AKAP7: variants seen among roughly 807,000 people sequenced by gnomAD.
AKAP7 encodes A kinase (PRKA) anchor protein 7.
In AKAP7, 39 loss-of-function variants were observed where a neutral mutation model predicts 39.5. The observed-to-expected ratio is 0.99, with a 90% CI of 0.76 to 1.29. AKAP7 has a LOEUF of 1.29. Among genes scored for constraint, AKAP7 ranks in the 50% most tolerant of loss-of-function variants. AKAP7 has a pLI of 0.00. For synonymous variants in AKAP7, 140 were observed against 139.1 expected, an observed-to-expected ratio of 1.01 and a Z score of -0.05; for missense variants, 414 against 407.7, an observed-to-expected ratio of 1.02 and a Z score of -0.13.
At chr6:131,142,160 G>A (rs1006145495) in intron 1 of AKAP7, among the ~76,000 whole-genome samples, 3 of 152,116 alleles carry the variant, frequency 2.0e-5, no homozygotes, top group Non-Finnish European at 4.4e-5. Flanking sequence ...AGGAATTGAA[G>A]TGGGCTGTGA....
At chr6:131,135,919 T>A in intron 1 of AKAP7, 137 bp downstream of exon 1, 1 of 1,024,450 alleles carries the variant, frequency 9.8e-7, no homozygotes, top group Non-Finnish European at 1.2e-6. Context: ...CCAAAAGGAC[T>A]CAGGGTAGCA....
intron 7 of AKAP7, among the ~76,000 whole-genome samples, chr6:131,247,688 G>A (rs1812146552): frequency 6.6e-6 from 1 of 152,022 alleles, no homozygotes. Flanking sequence ...GAGTACAGTG[G>A]TATGATCATA....
chr6:131,127,656 T>C, the AKAP7 span, among the ~76,000 whole-genome samples: 1 of 152,186 alleles, frequency 6.6e-6, no homozygotes, highest in African/African-American at 2.4e-5. Context: ...CTAGGGGAAA[T>C]GTTTTCAGTA....
upstream of AKAP7, among the ~76,000 whole-genome samples, chr6:131,134,241 G>A (rs918053878): frequency 6.6e-6 from 1 of 152,142 alleles, no homozygotes; most frequent in Admixed American, 6.5e-5. Flanking sequence ...CAAAGTGTTG[G>A]GGTTACAAGC....
chr6:131,160,319 A>G, intron 3 of AKAP7, 121 bp downstream of exon 3: 1 of 949,418 alleles, frequency 1.1e-6, no homozygotes, highest in South Asian at 1.5e-5. Context: ...TTTTAGCAGG[A>G]CTGTCCAGGG....
chr6:131,131,555 A>T (rs1006055496), upstream of AKAP7, among the ~76,000 whole-genome samples: 7 of 151,582 alleles, frequency 4.6e-5, no homozygotes, highest in South Asian at 4.2e-4. Context: ...ATGCTTATAA[A>T]AGTTTTATTC....
intron 5 of AKAP7, among the ~76,000 whole-genome samples, chr6:131,173,210 AAAAAAAG>A (rs1181262369): frequency 2.1e-4 from 32 of 151,768 alleles, no homozygotes; most frequent in African/African-American, 7.5e-4. Flanking sequence ...CAAAAAAAAA[AAAAAAAG>A]AAAAAAGAAA....
chr6:131,258,076 A>G (rs1473354109), intron 7 of AKAP7, among the ~76,000 whole-genome samples: 8 of 152,182 alleles, frequency 5.3e-5, no homozygotes, highest in Admixed American at 2.0e-4. Context: ...CTAGTGAAGA[A>G]GTGAGAGTTC....
At position 131,283,517 on chromosome 6, in the gene AKAP7, CAT is replaced by C. The variant is rs755394325; in HGVS notation, c.*1794_*1795del. The C allele has an allele frequency of 6.6e-6, 1 of 151,996 alleles. No homozygotes were observed. The highest frequency in any genetic ancestry group is 1.5e-5 in the Non-Finnish European group (1 of 67,986). The allele number at this position is 151,996 out of a possible 1,614,324, so 9.4% of individuals were successfully genotyped here. A position where few individuals can be genotyped will look rare whatever the true frequency, so the allele number is the denominator to read the frequency against. ...ATGCATTTTCATGGCTCTTAATAAA[CAT>C]ATTGTTTTCCCTTGTTGCTTTTCCT... On this transcript the variant is annotated 3_prime_UTR_variant, in exon 8 of 8. Coordinates refer to ENST00000431975, the MANE Select transcript of AKAP7 (RefSeq NM_016377.4).
At chr6:131,201,301 A>G (rs1016381846) in intron 6 of AKAP7, among the ~76,000 whole-genome samples, 5 of 152,180 alleles carry the variant, frequency 3.3e-5, no homozygotes, top group Non-Finnish European at 5.9e-5. Context: ...TTGAGTGCCT[A>G]CTATGTGCCA....
intron 6 of AKAP7, among the ~76,000 whole-genome samples, chr6:131,202,543 A>G (rs2128283799): frequency 6.8e-6 from 1 of 147,860 alleles, no homozygotes; most frequent in South Asian, 2.2e-4. Flanking sequence ...TCTCACTCCT[A>G]GGTGGGAATT....
In AKAP7 at chr6:131,241,627, G is replaced by GTGTGTGTGTGTGTGTGTGTGTATA; in HGVS notation, c.850+21820_850+21821insGTGTGTGTGTGTGTGTGTGTATAT. 3.5e-3 allele frequency among the ~76,000 whole-genome samples: 299 copies of GTGTGTGTGTGTGTGTGTGTGTATA among 86,662 alleles called. 14 individuals are homozygous for GTGTGTGTGTGTGTGTGTGTGTATA. Among genetic ancestry groups the GTGTGTGTGTGTGTGTGTGTGTATA allele is most frequent in the East Asian group, 4.6e-3 (15 of 3,228 alleles). The allele number at this position is 86,662 out of a possible 152,430, so 56.9% of individuals were successfully genotyped here. On this transcript the variant is annotated intron_variant, in intron 7 of 7. Coordinates refer to ENST00000431975, the MANE Select transcript of AKAP7 (RefSeq NM_016377.4). ...TGTGTGTGTGTGTGTGTGTGTGTGT[G>GTGTGTGTGTGTGTGTGTGTGTATA]TATATATATATGACAGTTATAGGAT... is the stretch of plus-strand genomic sequence containing the variant.
intron 3 of AKAP7, among the ~76,000 whole-genome samples, chr6:131,161,151 A>G (rs1802902306): frequency 6.6e-6 from 1 of 152,228 alleles, no homozygotes; most frequent in Non-Finnish European, 1.5e-5. Context: ...TGAAAGAAAT[A>G]TCAAAAGAAA....
chr6:131,240,144 A>G (rs1235932970), intron 7 of AKAP7, among the ~76,000 whole-genome samples: 1 of 152,210 alleles, frequency 6.6e-6, no homozygotes, highest in Non-Finnish European at 1.5e-5. Flanking sequence ...CCTCAGCTGC[A>G]GGTCTGTTGG....
At chr6:131,146,581 A>G (rs1460922025) in intron 2 of AKAP7, among the ~76,000 whole-genome samples, 1 of 152,218 alleles carries the variant, frequency 6.6e-6, no homozygotes, top group Non-Finnish European at 1.5e-5. Flanking sequence ...TGGGGAGGAA[A>G]ATAAGGAAAA....
At chr6:131,134,238 T>C (rs370219351), upstream of AKAP7, among the ~76,000 whole-genome samples, 1 of 152,152 alleles carries the variant, frequency 6.6e-6, no homozygotes, top group African/African-American at 2.4e-5. Context: ...TCCCAAAGTG[T>C]TGGGGTTACA....
chr6:131,212,736 A>G (rs909919436), intron 6 of AKAP7, among the ~76,000 whole-genome samples: 6 of 152,118 alleles, frequency 3.9e-5, no homozygotes, highest in Admixed American at 2.6e-4. Flanking sequence ...AAGGTATCCT[A>G]TTGAGAATGA....
intron 5 of AKAP7, among the ~76,000 whole-genome samples, chr6:131,178,606 CT>C (rs1452325800): frequency 1.3e-5 from 2 of 152,180 alleles, no homozygotes; most frequent in African/African-American, 4.8e-5. Context: ...TTCGTTTCCA[CT>C]ACTGCTAATG....
chr6:131,273,725 A>G (rs550856280), intron 7 of AKAP7, among the ~76,000 whole-genome samples: 4 of 152,248 alleles, frequency 2.6e-5, no homozygotes, highest in Non-Finnish European at 4.4e-5. Context: ...TTACTTACGT[A>G]TGTACAGTTT....
Sources: allele counts gnomAD v4.1 joint callset (sites outside exome capture counted in the v4.1 genomes callset), GRCh38; gene constraint gnomAD v4.1.1; transcripts MANE v1.5; gene names NCBI Gene and HGNC (gene_info 2026-07-23, HGNC 2026-07-21).